The following METTL25 variants were observed in gnomAD, a reference collection of about 807,000 sequenced individuals.
METTL25 encodes the protein probable methyltransferase-like protein 25.
In METTL25, 64 loss-of-function variants were observed where a neutral mutation model predicts 71.6. The observed-to-expected ratio is 0.89, with a 90% CI of 0.73 to 1.10. The LOEUF is 1.10. Among genes scored for constraint, METTL25 ranks in the 50% least tolerant of loss-of-function variants. METTL25 has a pLI of 0.00. For synonymous variants in METTL25, 287 were observed against 250.3 expected (o/e 1.15, Z -1.38); for missense variants, 807 against 707.0 (o/e 1.14, Z -1.60).
rs77121129 is a variant in METTL25 at position 82,362,474 on chromosome 12, C to T, written c.259+3650C>T. The stretch of plus-strand genomic sequence containing the variant: ...AATATATAGAAAGGGATATCTTTCA[C>T]GTGAAGTGAACAGCAGGTGCCCAAG... On this transcript the variant is annotated intron_variant, in intron 1 of 11. Coordinates refer to ENST00000248306, the MANE Select transcript of METTL25 (RefSeq NM_032230.3). 3.1e-4 allele frequency among the ~76,000 whole-genome samples: 47 copies of T among 152,270 alleles called. 3 individuals carry two copies. The East Asian group carries it at 9.1e-3, about 29-fold the overall frequency.
intron 9 of METTL25, among the ~76,000 whole-genome samples, chr12:82,471,829 G>A (rs1178980575): frequency 6.6e-6 from 1 of 152,026 alleles, no homozygotes; most frequent in African/African-American, 2.4e-5. Flanking sequence ...TCATTTCAAT[G>A]GTGTTATATT....
At chr12:82,476,356 T>A in intron 9 of METTL25, 1 of 290,766 alleles carries the variant, frequency 3.4e-6, no homozygotes, top group East Asian at 8.3e-5. Context: ...CAAAGCATAA[T>A]AACAAATGAA....
chr12:82,455,086 C>T (rs1000091090), intron 8 of METTL25, among the ~76,000 whole-genome samples: 19 of 151,020 alleles, frequency 1.3e-4, no homozygotes, highest in Admixed American at 4.0e-4. Flanking sequence ...CTCCATAAGA[C>T]GGTGAAGAAT....
chr12:82,413,998 A>T (rs181311976), intron 5 of METTL25, among the ~76,000 whole-genome samples: 1,760 of 151,280 alleles, frequency 0.012, 17 homozygotes, highest in Middle Eastern at 0.021. Context: ...ATATATATAT[A>T]TTTTTTCTTA....
chr12:82,390,273 A>T (rs905040053), intron 3 of METTL25, among the ~76,000 whole-genome samples: 4 of 152,048 alleles, frequency 2.6e-5, no homozygotes, highest in Non-Finnish European at 5.9e-5. Context: ...GTTTGCTGCT[A>T]GATGTTTTCA....
intron 5 of METTL25, among the ~76,000 whole-genome samples, chr12:82,415,250 GGT>G (rs1394442997): frequency 6.6e-6 from 1 of 151,860 alleles, no homozygotes; most frequent in Admixed American, 6.6e-5. Context: ...TTTAAAATTG[GGT>G]GTTTATTTTC....
chr12:82,441,664 A>G (rs1890340126), intron 8 of METTL25, among the ~76,000 whole-genome samples: 1 of 151,778 alleles, frequency 6.6e-6, no homozygotes, highest in African/African-American at 2.4e-5. Context: ...TTGGAGTTGA[A>G]AAAGGTAGTA....
rs191977885 is a variant in METTL25 at position 82,400,778 on chromosome 12, C to T, written c.1131+1384C>T. On this transcript the variant is annotated intron_variant, in intron 4 of 11. Coordinates refer to ENST00000248306, the MANE Select transcript of METTL25 (RefSeq NM_032230.3). ...AATTAACTAACACCCCCTATTCCCC[C>T]TACCCTCTCGCAATACTTAAATATT... 9.2e-5 allele frequency among the ~76,000 whole-genome samples: 14 copies of T among 152,180 alleles called. No homozygotes were observed. In the East Asian group the frequency reaches 2.3e-3, roughly 25 times the overall value.
At chr12:82,414,657 T>C (rs183590450) in intron 5 of METTL25, among the ~76,000 whole-genome samples, 1 of 152,286 alleles carries the variant, frequency 6.6e-6, no homozygotes, top group Admixed American at 6.5e-5. Flanking sequence ...ATACTTTGTA[T>C]ATAAAGTAAT....
intron 8 of METTL25, among the ~76,000 whole-genome samples, chr12:82,440,095 C>T (rs1313307455): frequency 1.3e-5 from 2 of 151,902 alleles, no homozygotes; most frequent in East Asian, 3.9e-4. Flanking sequence ...TCATTATCTT[C>T]CATTATTCTG....
intron 5 of METTL25, among the ~76,000 whole-genome samples, chr12:82,423,600 C>A (rs1332662189): frequency 6.6e-6 from 1 of 152,172 alleles, no homozygotes; most frequent in Non-Finnish European, 1.5e-5. Context: ...TCGGAGTGAA[C>A]AGGCAACCTA....
chr12:82,361,434 C>T (rs1033508948), intron 1 of METTL25, among the ~76,000 whole-genome samples: 16 of 152,156 alleles, frequency 1.1e-4, no homozygotes, highest in Admixed American at 5.9e-4. Flanking sequence ...AGCCCTTGGG[C>T]GGTCGATGGG....
intron 3 of METTL25, among the ~76,000 whole-genome samples, chr12:82,398,144 A>C (rs1448004774): frequency 6.6e-6 from 1 of 151,702 alleles, no homozygotes; most frequent in African/African-American, 2.4e-5. Context: ...AGTGTTTTAT[A>C]GTTTTCAATG....
chr12:82,405,820 C>A (rs1467819586), intron 5 of METTL25, among the ~76,000 whole-genome samples: 2 of 152,088 alleles, frequency 1.3e-5, no homozygotes, highest in Admixed American at 6.6e-5. Flanking sequence ...ACTTTTGTAT[C>A]TTCAGTACTA....
intron 5 of METTL25, among the ~76,000 whole-genome samples, chr12:82,418,226 T>G (rs1307434986): frequency 2.0e-5 from 3 of 152,166 alleles, no homozygotes; most frequent in Non-Finnish European, 4.4e-5. Flanking sequence ...TTGTCATTTA[T>G]TGATCTGGAT....
chr12:82,395,833 G>A (rs954453570), intron 3 of METTL25, among the ~76,000 whole-genome samples: 2 of 151,834 alleles, frequency 1.3e-5, no homozygotes, highest in African/African-American at 2.4e-5. Context: ...AGGGTGGTGG[G>A]GATTTTCCTA....
intron 3 of METTL25, among the ~76,000 whole-genome samples, chr12:82,395,736 T>C (rs935421339): frequency 1.7e-4 from 26 of 152,080 alleles, no homozygotes; most frequent in African/African-American, 6.0e-4. Context: ...CACCAGGTAT[T>C]GGACTAGAGA....
chr12:82,458,448 C>G (rs368871962), intron 9 of METTL25, among the ~76,000 whole-genome samples: 1 of 152,070 alleles, frequency 6.6e-6, no homozygotes, highest in African/African-American at 2.4e-5. Context: ...CTTACAGGAG[C>G]AGAAACCGCC....
At chr12:82,457,203 C>A (rs189844991) in intron 9 of METTL25, among the ~76,000 whole-genome samples, 227 of 151,918 alleles carry the variant, frequency 1.5e-3, no homozygotes, top group African/African-American at 5.2e-3. Flanking sequence ...AATTCAAAAG[C>A]CTTCAAATAG....
Sources: gnomAD v4.1 joint callset for allele counts (sites outside exome capture counted in the v4.1 genomes callset) on GRCh38, gnomAD v4.1.1 for gene constraint, MANE v1.5 for transcripts, NCBI Gene and HGNC (gene_info 2026-07-23, HGNC 2026-07-21) for gene names.